GFPT2: variants seen among roughly 807,000 people sequenced by gnomAD.
GFPT2 encodes the protein glutamine--fructose-6-phosphate aminotransferase [isomerizing] 2.
In GFPT2, 62 loss-of-function variants were observed where a neutral mutation model predicts 85.6. The observed-to-expected ratio is 0.72, with a 90% CI of 0.59 to 0.90. The LOEUF (loss-of-function observed/expected upper bound fraction) is 0.90, where lower values mean the gene tolerates loss of function less well. GFPT2 is among the 40% of genes least tolerant of loss of function. The pLI is 0.00. For synonymous variants in GFPT2, 368 were observed against 344.5 expected (o/e 1.07, Z -0.75); for missense variants, 788 against 893.4 (o/e 0.88, Z 1.50).
rs774273745 is a variant in GFPT2 at position 180,328,694 on chromosome 5, C to T, written c.535-356G>A. On this transcript the variant is annotated intron_variant, in intron 6 of 18. Coordinates refer to ENST00000253778, the MANE Select transcript of GFPT2 (RefSeq NM_005110.4). The surrounding 1 kb of genome is among the most constrained non-coding windows in gnomAD (Gnocchi z 5.4). The stretch of plus-strand genomic sequence containing the variant: ...CTGCCCTGCTCAGGGACAGCACCTA[C>T]TCAGCAAGCCCCTGTGAAGTGCACT... Among the ~76,000 whole-genome samples, 32 of 152,220 alleles carry T rather than the reference C, an allele frequency of 2.1e-4. No homozygotes were observed. The highest frequency in any genetic ancestry group is 3.5e-4 in the Non-Finnish European group (24 of 68,042).
chr5:180,331,307 C>G (rs1764295519), intron 5 of GFPT2, 188 bp downstream of exon 5: 2 of 591,632 alleles, frequency 3.4e-6, no homozygotes, highest in Admixed American at 3.2e-5. Flanking sequence ...GCCCTGTTAT[C>G]TCCTCAAACG....
rs1335694804 is a variant in GFPT2 at position 180,323,754 on chromosome 5, G to C, written c.794+434C>G. 6.6e-6 allele frequency among the ~76,000 whole-genome samples: 1 copy of C among 152,172 alleles called. No individual in the cohort carries two copies. The highest frequency in any genetic ancestry group is 1.9e-4 in the East Asian group (1 of 5,194). On this transcript the variant is annotated intron_variant, in intron 9 of 18. Transcript: ENST00000253778. This position sits in a 1 kb window ranked among gnomAD's most constrained non-coding sequence, Gnocchi z 4.0. ...AGGGAGGGGCATGGGAGGGACTGAG[G>C]TCTAGACACAGTTGTCTCATCTAAA...
intron 1 of GFPT2, among the ~76,000 whole-genome samples, chr5:180,346,160 G>A (rs1764604049): frequency 6.6e-6 from 1 of 152,106 alleles, no homozygotes. Context: ...GACATCCTGT[G>A]TGAAGAGACT....
intron 10 of GFPT2, 68 bp from the exon 11 acceptor site, chr5:180,317,126 G>A (rs747157439): frequency 1.4e-5 from 14 of 1,007,540 alleles, no homozygotes; most frequent in African/African-American, 7.9e-5. Flanking sequence ...ATGCAGCAGC[G>A]ATAGTAACTC....
Position 180,307,238 on chromosome 5 carries a change from G to C in GFPT2, c.1612C>G (p.Gln538Glu), listed in dbSNP as rs367587220. Residue 538 changes from glutamine to glutamate, a missense_variant, in exon 16 of 19, where the codon CAG (glutamine) becomes GAG (glutamate). Physicochemically the swap from Gln to Glu is conservative, Grantham distance 29 (BLOSUM62 2). Transcript: ENST00000253778. ...CGCCCCATCACCAGCAGCGATCTCT[G>C]CGTGTAGAGCTCCAGGGCCAAGTCG... is the stretch of plus-strand genomic sequence containing the variant. ...IHDLALELYT[Q>E]RSLLVMGRGY... 277 of 1,613,010 alleles carry C rather than the reference G, an allele frequency of 1.7e-4. No homozygotes were observed. The highest frequency in any genetic ancestry group is 2.3e-4 in the Non-Finnish European group (268 of 1,179,416).
At chr5:180,302,114 C>T (rs1324260439) in intron 18 of GFPT2, among the ~76,000 whole-genome samples, 3 of 149,622 alleles carry the variant, frequency 2.0e-5, no homozygotes, top group Admixed American at 6.7e-5. Context: ...GGTGAAACCC[C>T]GTCTCTACAA....
chr5:180,315,291 C>T (rs757869945), intron 13 of GFPT2, among the ~76,000 whole-genome samples: 46 of 152,174 alleles, frequency 3.0e-4, no homozygotes, highest in Middle Eastern at 3.4e-3. Context: ...CATTCTCCTG[C>T]CTCAGCCTCC....
rs768693113 is a variant in GFPT2, at chr5:180,338,496, C to G, written c.112G>C (p.Ala38Pro). 4 of 1,590,682 alleles carry G rather than the reference C, an allele frequency of 2.5e-6. No homozygotes were observed. The Admixed American group carries it at 6.7e-5, about 27-fold the overall frequency. ...AGGCGGGCGGCCGCACACCCACCTG[C>G]CGAGTCGTAGCCTCTGTACTCCAGC... Reference protein sequence around the residue: ...QRLEYRGYDSAGVAIDGNNHE... With the variant: ...QRLEYRGYDSPGVAIDGNNHE... The change falls in exon 2 of 19, where the codon GCA becomes CCA. Residue 38 changes from alanine to proline, a missense_variant. Ala to Pro is a conservative substitution (Grantham distance 27, BLOSUM62 -1). Transcript: ENST00000253778.
chr5:180,311,339 G>C (rs1763877123), intron 15 of GFPT2, among the ~76,000 whole-genome samples: 6 of 152,348 alleles, frequency 3.9e-5, no homozygotes, highest in Admixed American at 3.9e-4. Context: ...TGCTTATCTT[G>C]GCAGGCCAGG....
chr5:180,320,316 C>T (rs1764094237), intron 9 of GFPT2, among the ~76,000 whole-genome samples: 3 of 152,064 alleles, frequency 2.0e-5, no homozygotes, highest in South Asian at 4.1e-4. Context: ...TTATAACTTT[C>T]TCTGTATGGA....
Position 180,330,868 on chromosome 5 carries a change from G to A in GFPT2, c.400-34C>T, listed in dbSNP as rs1764288967. On this transcript the variant is annotated intron_variant, in intron 5 of 18. Coordinates refer to ENST00000253778, the MANE Select transcript of GFPT2 (RefSeq NM_005110.4). The surrounding 1 kb of genome is among the most constrained non-coding windows in gnomAD (Gnocchi z 4.4). ...TGCAGTCGGCACAGTGTGAGAGATTGGTCATTGCACAATGCCTGCCTGGCC... is the reference window on the plus strand; with the variant it reads ...TGCAGTCGGCACAGTGTGAGAGATTAGTCATTGCACAATGCCTGCCTGGCC... 1.2e-6 allele frequency: 2 copies of A among 1,607,732 alleles called. No homozygotes were observed. Among genetic ancestry groups the A allele is most frequent in the East Asian group, 4.5e-5 (2 of 44,762 alleles).
intron 1 of GFPT2, among the ~76,000 whole-genome samples, chr5:180,349,817 T>C (rs1417220617): frequency 6.6e-6 from 1 of 151,736 alleles, no homozygotes. Context: ...GACGGTGATG[T>C]CAAGGCAAGG....
intron 1 of GFPT2, chr5:180,352,444 G>T (rs1163183072): frequency 2.2e-6 from 1 of 453,510 alleles, no homozygotes; most frequent in African/African-American, 2.0e-5. Context: ...GTAAAGAATT[G>T]CAGATGTGCG....
Position 180,324,869 on chromosome 5 carries a change from A to T in GFPT2, c.623T>A (p.Val208Asp). The T allele has an allele frequency of 1.2e-6, 2 of 1,611,744 alleles. No homozygotes were observed. The highest frequency in any genetic ancestry group is 1.7e-6 in the Non-Finnish European group (2 of 1,177,948). Residue 208 changes from valine to aspartate, a missense_variant, in exon 8 of 19, where the codon GTC (valine) becomes GAC (aspartate). Val to Asp is a radical substitution (Grantham distance 152). Coordinates refer to ENST00000253778, the MANE Select transcript of GFPT2 (RefSeq NM_005110.4). ...TRRGSPLLIG[V>D]RSKYKLSTEQ... ...TGTGGAGAGCTTGTATTTGCTCCGG[A>T]CTCCGATGAGCAGGGGGCTGCCTCT...
Position 180,318,714 on chromosome 5 carries a change from G to A in GFPT2, c.958+79C>T, listed in dbSNP as rs917163565. ...GCAGGAGGGCTGTGGCCTCTACTAG[G>A]ACCAGGCAGAGTGTCAGGAGCTCCA... is the stretch of plus-strand genomic sequence containing the variant. On this transcript the variant is annotated intron_variant, in intron 10 of 18. Transcript: ENST00000253778. The surrounding 1 kb of genome is among the most constrained non-coding windows in gnomAD (Gnocchi z 4.2). The A allele has an allele frequency of 7.2e-6, 9 of 1,258,478 alleles. No individual in the cohort carries two copies. The African/African-American group carries it at 1.4e-4, about 19-fold the overall frequency. The allele number at this position is 1,258,478 out of a possible 1,614,324, so 78.0% of individuals were successfully genotyped here. A position where few individuals can be genotyped will look rare whatever the true frequency, so the allele number is the denominator to read the frequency against.
chr5:180,310,394 C>A (rs114999137), intron 15 of GFPT2, among the ~76,000 whole-genome samples: 1 of 151,490 alleles, frequency 6.6e-6, no homozygotes, highest in Non-Finnish European at 1.5e-5. Context: ...TGAGCCACTG[C>A]GCCTCACCAT....
At chr5:180,322,397 C>CTTA (rs1764137474) in intron 9 of GFPT2, among the ~76,000 whole-genome samples, 1 of 152,106 alleles carries the variant, frequency 6.6e-6, no homozygotes, top group South Asian at 2.1e-4. Flanking sequence ...TTTCTGTAGA[C>CTTA]TTCTCCAAAT....
At chr5:180,324,511 G>A in intron 8 of GFPT2, 4 of 583,550 alleles carry the variant, frequency 6.9e-6, no homozygotes, top group Non-Finnish European at 9.1e-6. Flanking sequence ...TGAGAGGAAT[G>A]CAAACAAAAA....
chr5:180,352,339 GAAAAAAA>G (rs34831746), intron 1 of GFPT2: 13 of 345,688 alleles, frequency 3.8e-5, no homozygotes, highest in East Asian at 2.0e-4. Flanking sequence ...CCTACTCAAG[GAAAAAAA>G]AAAAAAAAAA....
Sources: gnomAD v4.1 joint callset for allele counts (sites outside exome capture counted in the v4.1 genomes callset) on GRCh38, gnomAD v4.1.1 for gene constraint, Gnocchi (gnomAD v3.1) non-coding constraint, MANE v1.5 for transcripts, NCBI Gene and HGNC (gene_info 2026-07-23, HGNC 2026-07-21) for gene names.